The following VNN2 variants were observed in gnomAD, a reference collection of about 807,000 sequenced individuals.
VNN2 encodes vanin 2, also known as pantetheine hydrolase VNN2.
A neutral mutation model predicts 43.0 loss-of-function variants in VNN2; 43 were observed. The ratio of observed to expected loss-of-function variants is 1.00; its 90% CI spans 0.78 to 1.29. The LOEUF (loss-of-function observed/expected upper bound fraction) is 1.29, where lower values mean the gene tolerates loss of function less well. VNN2 is among the 50% of genes most tolerant of loss of function. The pLI is 0.00. For missense variants in VNN2, 652 were observed against 619.7 expected, an observed-to-expected ratio of 1.05 and a Z score of -0.55; for synonymous variants, 230 against 224.3, an observed-to-expected ratio of 1.03 and a Z score of -0.23.
chr6:132,745,573 C>T (rs72994294), intron 6 of VNN2, among the ~76,000 whole-genome samples: 8,714 of 152,212 alleles, frequency 0.057, 295 homozygotes, highest in East Asian at 0.13. Context: ...ACAATGAAAA[C>T]TGGCAAATTC....
At chr6:132,751,017 G>C (rs1780045186) in intron 5 of VNN2, 128 bp downstream of exon 5, 1 of 1,079,460 alleles carries the variant, frequency 9.3e-7, no homozygotes, top group Non-Finnish European at 1.3e-6. Context: ...TGTGTTGTGT[G>C]TGTGTGTGTT....
upstream of VNN2, chr6:132,760,644 A>G (rs1399666392): frequency 6.6e-6 from 1 of 151,940 alleles, no homozygotes; most frequent in South Asian, 2.1e-4. Context: ...TCATTGATCT[A>G]GTATCACCAA....
rs2114542214 is a variant in VNN2 at position 132,749,742 on chromosome 6, G to A, written c.1324C>T (p.Pro442Ser). Residue 442 changes from proline to serine, a missense_variant, in exon 6 of 7, where the codon CCT becomes TCT. By Grantham distance (74) the Pro-to-Ser change is moderately conservative. Transcript: ENST00000326499. The part of the protein sequence containing the change: ...SGTFGTEYVF[P>S]EVLLTEIHLS... ...TGAATTTCGGTAAGTAGCACTTCAG[G>A]AAAAACATACTCTGTTCCAAATGTG... 6.2e-7 allele frequency: 1 copy of A among 1,613,698 alleles called. No homozygotes were observed. The highest frequency in any genetic ancestry group is 1.7e-5 in the Admixed American group (1 of 59,898).
chr6:132,755,015 AT>A (rs1231723859), intron 3 of VNN2, among the ~76,000 whole-genome samples: 1 of 152,156 alleles, frequency 6.6e-6, no homozygotes, highest in African/African-American at 2.4e-5. Context: ...TTCCAAAAAA[AT>A]ATTTAAAAAT....
At chr6:132,748,230 A>G (rs985496244) in intron 6 of VNN2, among the ~76,000 whole-genome samples, 2 of 152,088 alleles carry the variant, frequency 1.3e-5, no homozygotes, top group East Asian at 3.9e-4. Flanking sequence ...TAGCTACTGG[A>G]TTTTAGCCCC....
At position 132,751,519 on chromosome 6, in the gene VNN2, C is replaced by T. The variant is rs202189246; in HGVS notation, c.827-1G>A. ...CCATTTGGTGCATAAATACCACTTC[C>T]TGTGAATGAAAGACAAGTCTTCTAA... On this transcript the variant is annotated splice_acceptor_variant, in intron 4 of 6. Coordinates refer to ENST00000326499, the MANE Select transcript of VNN2 (RefSeq NM_004665.6). LOFTEE classifies it high-confidence loss of function. The T allele has an allele frequency of 6.3e-5, 101 of 1,595,436 alleles. No homozygotes were observed. The highest frequency in any genetic ancestry group is 8.4e-5 in the Non-Finnish European group (98 of 1,170,868).
At chr6:132,753,888 G>A (rs1187117065) in intron 3 of VNN2, 1 of 150,928 alleles carries the variant, frequency 6.6e-6, no homozygotes, top group East Asian at 1.9e-4. Context: ...GGGAGTCAGA[G>A]GTTGCAGTGA....
At chr6:132,757,291 T>G in intron 2 of VNN2, 125 bp downstream of exon 2, 1 of 1,165,388 alleles carries the variant, frequency 8.6e-7, no homozygotes, top group Non-Finnish European at 1.1e-6. Flanking sequence ...CTGACAAATG[T>G]TGAGATAAAT....
At chr6:132,758,039 C>CTTAT, upstream of VNN2, 1 of 161,520 alleles carries the variant, frequency 6.2e-6, no homozygotes, top group Non-Finnish European at 1.0e-5. Flanking sequence ...TCTTCTTCTT[C>CTTAT]TTTTTTTTTT....
At chr6:132,760,230 A>C (rs748647312), upstream of VNN2, among the ~76,000 whole-genome samples, 14 of 152,064 alleles carry the variant, frequency 9.2e-5, no homozygotes, top group Non-Finnish European at 1.6e-4. Flanking sequence ...GCTGGAGTGC[A>C]GTGGTATGAT....
At chr6:132,747,221 A>G (rs1233157051) in intron 6 of VNN2, among the ~76,000 whole-genome samples, 1 of 152,142 alleles carries the variant, frequency 6.6e-6, no homozygotes. Context: ...GTTGAGACCT[A>G]CTGATACCAT....
At position 132,751,482 on chromosome 6, in the gene VNN2, T is replaced by C. The variant is rs765837233; in HGVS notation, c.863A>G (p.Tyr288Cys). ...CAACTCTGTCTTCATGTCATAATGA[T>C]ACACTTTGGGACCATTTGGTGCATA... Reference protein sequence around the residue: ...GIYAPNGPKVYHYDMKTELGK... With the variant: ...GIYAPNGPKVCHYDMKTELGK... Residue 288 changes from tyrosine (Y) to cysteine (C), a missense_variant, in exon 5 of 7, where the codon TAT becomes TGT. Coordinates refer to ENST00000326499, the MANE Select transcript of VNN2 (RefSeq NM_004665.6). The C allele has an allele frequency of 1.9e-6, 3 of 1,613,988 alleles. No individual in the cohort carries two copies. Among genetic ancestry groups the C allele is most frequent in the East Asian group, 4.5e-5 (2 of 44,880 alleles).
rs1046985796 is a variant in VNN2 at position 132,751,436 on chromosome 6, C to T, written c.909G>A (p.Glu303=). ...GCGAGGATAGGGGATGTGAATCCAC[C>T]TCTGAAAGGAGAAGTTTTCCCAACT... The part of the protein sequence containing the change: ...KTELGKLLLS[E]VDSHPLSSLA... Residue 303 remains glutamate (E), a synonymous_variant, in exon 5 of 7, where the codon GAG becomes GAA. Transcript: ENST00000326499. 6.2e-7 allele frequency: 1 copy of T among 1,614,126 alleles called. No individual in the cohort carries two copies. Among genetic ancestry groups the T allele is most frequent in the Non-Finnish European group, 8.5e-7 (1 of 1,180,018 alleles).
In VNN2 at chr6:132,744,285, T is replaced by A. The variant is rs779347484; in HGVS notation, c.*15A>T. ...CCAAGCATATGATGCAGAAGCTGAGTGATAAAGAGACGCCCTATAACATTA... is the reference window on the plus strand; with the variant it reads ...CCAAGCATATGATGCAGAAGCTGAGAGATAAAGAGACGCCCTATAACATTA... On this transcript the variant is annotated 3_prime_UTR_variant, in exon 7 of 7. Transcript: ENST00000326499. 1 of 1,593,184 alleles carries A rather than the reference T, an allele frequency of 6.3e-7. No individual in the cohort carries two copies. The highest frequency in any genetic ancestry group is 1.2e-5 in the South Asian group (1 of 86,874).
chr6:132,753,171 C>T (rs575672447), intron 3 of VNN2: 38 of 203,636 alleles, frequency 1.9e-4, no homozygotes, highest in African/African-American at 4.2e-4. Context: ...ATTACAGGCA[C>T]GTGCCACTAT....
At chr6:132,755,467 T>C (rs936062083) in intron 3 of VNN2, among the ~76,000 whole-genome samples, 6 of 149,742 alleles carry the variant, frequency 4.0e-5, no homozygotes, top group South Asian at 2.1e-4. Flanking sequence ...CTCCACCTCC[T>C]GGGTTCAAGC....
rs748332497 is a variant in VNN2 at position 132,752,581 on chromosome 6, T to C, written c.706A>G (p.Thr236Ala). The C allele has an allele frequency of 1.2e-6, 2 of 1,614,170 alleles. No homozygotes were observed. The highest frequency in any genetic ancestry group is 1.7e-6 in the Non-Finnish European group (2 of 1,180,026). Residue 236 changes from threonine to alanine, a missense_variant, in exon 4 of 7, where the codon ACA becomes GCA. Thr to Ala is a moderately conservative substitution (Grantham distance 58). Coordinates refer to ENST00000326499, the MANE Select transcript of VNN2 (RefSeq NM_004665.6). The stretch of plus-strand genomic sequence containing the variant: ...AGGGGCAAAACGTTCATCCAAGCTG[T>C]GGGAAACAGTATGGTGTCCACATGG... ...DFHVDTILFP[T>A]AWMNVLPLLT...
upstream of VNN2, among the ~76,000 whole-genome samples, chr6:132,761,044 T>A (rs981712304): frequency 3.3e-5 from 5 of 152,128 alleles, no homozygotes; most frequent in Non-Finnish European, 7.4e-5. Context: ...ATCCCTGAGA[T>A]GTGAAGAAAA....
intron 6 of VNN2, among the ~76,000 whole-genome samples, chr6:132,745,121 C>T (rs935682928): frequency 6.6e-6 from 1 of 152,098 alleles, no homozygotes; most frequent in African/African-American, 2.4e-5. Context: ...TGGTTAAAAC[C>T]AGTGGTGTGC....
Sources: gnomAD v4.1 joint callset for allele counts (sites outside exome capture counted in the v4.1 genomes callset) on GRCh38, gnomAD v4.1.1 for gene constraint, MANE v1.5 for transcripts, NCBI Gene and HGNC (gene_info 2026-07-23, HGNC 2026-07-21) for gene names.